The following SHC3 variants were observed in gnomAD, a reference collection of about 807,000 sequenced individuals.
SHC3 encodes SHC adaptor protein 3.
A neutral mutation model predicts 60.4 loss-of-function variants in SHC3; 15 were observed. The observed-to-expected ratio is 0.25, with a 90% CI of 0.17 to 0.38. The LOEUF (loss-of-function observed/expected upper bound fraction) is 0.38. SHC3 is among the 10% of genes least tolerant of loss of function. SHC3 has a pLI of 1.00. For synonymous variants in SHC3, 294 were observed against 325.9 expected (o/e 0.90, Z 1.05); for missense variants, 677 against 786.1 (o/e 0.86, Z 1.66).
Position 89,178,577 on chromosome 9 carries a change from C to A in SHC3, c.-117G>T, listed in dbSNP as rs1029666796. On this transcript the variant is annotated 5_prime_UTR_variant, in exon 1 of 12. Coordinates refer to ENST00000375835, the MANE Select transcript of SHC3 (RefSeq NM_016848.6). The surrounding 1 kb of genome is among the most constrained non-coding windows in gnomAD (Gnocchi z 6.9). The stretch of plus-strand genomic sequence containing the variant: ...GGAGCGGGACGGAGAGTGGGGGCCC[C>A]GGGACAGCCTTCTGGAGAACGAGAG... The A allele has an allele frequency of 2.2e-6, 2 of 898,942 alleles. No individual in the cohort carries two copies. Among genetic ancestry groups the A allele is most frequent in the East Asian group, 3.1e-5 (1 of 31,810 alleles). The allele number at this position is 898,942 out of a possible 1,614,324, so 55.7% of individuals were successfully genotyped here.
At chr9:89,164,851 C>T (rs900199139) in intron 1 of SHC3, among the ~76,000 whole-genome samples, 1 of 152,038 alleles carries the variant, frequency 6.6e-6, no homozygotes, top group Non-Finnish European at 1.5e-5. Flanking sequence ...ACTTTGTAGC[C>T]AGGAGCAACA....
chr9:89,176,985 T>A (rs922751692), intron 1 of SHC3, among the ~76,000 whole-genome samples: 1 of 152,244 alleles, frequency 6.6e-6, no homozygotes, highest in African/African-American at 2.4e-5. Context: ...TCAGTGTTAT[T>A]GAGGACACGG....
At chr9:89,114,889 T>C (rs1826000005) in intron 1 of SHC3, among the ~76,000 whole-genome samples, 1 of 152,116 alleles carries the variant, frequency 6.6e-6, no homozygotes, top group Non-Finnish European at 1.5e-5. Context: ...ACCAGTATCA[T>C]AAAGTTAGGT....
chr9:89,157,625 T>A (rs1039238562), intron 1 of SHC3, among the ~76,000 whole-genome samples: 67 of 150,614 alleles, frequency 4.4e-4, no homozygotes, highest in Admixed American at 3.3e-3. Context: ...AGTTTAACAA[T>A]TTTTTTTTTA....
At chr9:89,144,049 A>G (rs575947139) in intron 1 of SHC3, among the ~76,000 whole-genome samples, 2 of 152,314 alleles carry the variant, frequency 1.3e-5, no homozygotes, top group African/African-American at 4.8e-5. Flanking sequence ...GGATCTATCC[A>G]TAAAAGGTCT....
intron 1 of SHC3, among the ~76,000 whole-genome samples, chr9:89,117,044 T>C (rs144883669): frequency 1.3e-3 from 205 of 152,326 alleles, no homozygotes; most frequent in African/African-American, 4.8e-3. Flanking sequence ...TATGTAAATA[T>C]CACAATGTAC....
chr9:89,107,584 C>T (rs1322365052), intron 2 of SHC3, among the ~76,000 whole-genome samples: 2 of 152,242 alleles, frequency 1.3e-5, no homozygotes, highest in African/African-American at 4.8e-5. Context: ...CCCCTTCCTG[C>T]CAGGCCTCAC....
At chr9:89,042,571 T>G (rs1393214959) in intron 9 of SHC3, among the ~76,000 whole-genome samples, 1 of 152,232 alleles carries the variant, frequency 6.6e-6, no homozygotes, top group African/African-American at 2.4e-5. Flanking sequence ...AGCCTTATAT[T>G]AATTGCTCTT....
intron 11 of SHC3, among the ~76,000 whole-genome samples, chr9:89,025,028 CTGTGGGCAGTT>C (rs763478572): frequency 1.3e-5 from 2 of 152,190 alleles, no homozygotes; most frequent in Non-Finnish European, 2.9e-5. Flanking sequence ...TGGAGTTGCC[CTGTGGGCAGTT>C]AGAAATACTG....
At chr9:89,170,760 A>G (rs997577431) in intron 1 of SHC3, among the ~76,000 whole-genome samples, 1 of 152,238 alleles carries the variant, frequency 6.6e-6, no homozygotes, top group Non-Finnish European at 1.5e-5. Context: ...TAAAAATAAC[A>G]CAAATCGAAC....
chr9:89,056,891 A>G (rs113989220), intron 6 of SHC3, among the ~76,000 whole-genome samples: 1 of 152,244 alleles, frequency 6.6e-6, no homozygotes, highest in Admixed American at 6.5e-5. Context: ...CAAAAAACTT[A>G]TCGGGATCCA....
At position 89,164,392 on chromosome 9, in the gene SHC3, A is replaced by G. The variant is rs577605816; in HGVS notation, c.474+13595T>C. Reference sequence around the variant, plus strand: ...ATTATTTTAGGCCAAGATGAGAAGGAGAGAAGGGGCCCAGAGGGGAAGAGT... The same window carrying G: ...ATTATTTTAGGCCAAGATGAGAAGGGGAGAAGGGGCCCAGAGGGGAAGAGT... On this transcript the variant is annotated intron_variant, in intron 1 of 11. Transcript: ENST00000375835. Among the ~76,000 whole-genome samples, 28 of 152,270 alleles carry G rather than the reference A, an allele frequency of 1.8e-4. No homozygotes were observed. The South Asian group carries it at 5.8e-3, about 32-fold the overall frequency.
intron 1 of SHC3, among the ~76,000 whole-genome samples, chr9:89,173,955 A>G (rs1240492187): frequency 6.6e-6 from 1 of 152,204 alleles, no homozygotes; most frequent in East Asian, 1.9e-4. Context: ...TCAACTTTTT[A>G]AAGTTCAACT....
chr9:89,073,164 G>A (rs564630555), intron 4 of SHC3, among the ~76,000 whole-genome samples: 2 of 152,116 alleles, frequency 1.3e-5, no homozygotes, highest in Admixed American at 1.3e-4. Flanking sequence ...TTACATTTTT[G>A]CTTATTTAAT....
rs1374290686 is a variant in SHC3 at position 89,163,694 on chromosome 9, T to G, written c.474+14293A>C. Reference sequence around the variant, plus strand: ...CACCAGCATGGCACATGTATACATATGTAACTAACCTGCACAATGTGCACA... The same window carrying G: ...CACCAGCATGGCACATGTATACATAGGTAACTAACCTGCACAATGTGCACA... On this transcript the variant is annotated intron_variant, in intron 1 of 11. Transcript: ENST00000375835. Among the ~76,000 whole-genome samples, 4 of 151,098 alleles carry G rather than the reference T, an allele frequency of 2.6e-5. No individual in the cohort carries two copies. In the East Asian group the frequency reaches 7.8e-4, roughly 29 times the overall value.
chr9:89,052,276 A>C, intron 6 of SHC3, 113 bp from the exon 7 acceptor site: 2 of 1,340,888 alleles, frequency 1.5e-6, no homozygotes, highest in Non-Finnish European at 2.0e-6. Flanking sequence ...TGCTTCTTCC[A>C]TAATATGTCC....
intron 1 of SHC3, among the ~76,000 whole-genome samples, chr9:89,114,150 AC>A (rs1168675298): frequency 6.6e-6 from 1 of 152,188 alleles, no homozygotes; most frequent in Non-Finnish European, 1.5e-5. Context: ...CGGGAATACC[AC>A]CACCACCATG....
intron 2 of SHC3, among the ~76,000 whole-genome samples, chr9:89,103,516 CTACTA>C (rs1200694941): frequency 1.3e-5 from 2 of 152,136 alleles, no homozygotes; most frequent in Non-Finnish European, 2.9e-5. Context: ...GGAGGCTAGG[CTACTA>C]TAGCCCAGGC....
chr9:89,155,151 C>T (rs141632248), intron 1 of SHC3, among the ~76,000 whole-genome samples: 370 of 152,312 alleles, frequency 2.4e-3, no homozygotes, highest in African/African-American at 8.6e-3. Flanking sequence ...CAGCTGAAGC[C>T]GGTGCCACCA....
Sources: gnomAD v4.1 joint callset for allele counts (sites outside exome capture counted in the v4.1 genomes callset) on GRCh38, gnomAD v4.1.1 for gene constraint, Gnocchi (gnomAD v3.1) non-coding constraint, MANE v1.5 for transcripts, NCBI Gene and HGNC (gene_info 2026-07-23, HGNC 2026-07-21) for gene names.